The following SLC4A10 variants were observed in gnomAD, a reference collection of about 807,000 sequenced individuals.
The protein encoded by SLC4A10 is solute carrier family 4 member 10, also known as sodium-driven chloride bicarbonate exchanger.
A neutral mutation model predicts 137.7 loss-of-function variants in SLC4A10; 42 were observed. The ratio of observed to expected loss-of-function variants is 0.30; its 90% CI spans 0.24 to 0.39. The LOEUF is 0.39. SLC4A10 is among the 10% of genes least tolerant of loss of function. The pLI is 1.00. For missense variants in SLC4A10, 925 were observed against 1,355.0 expected, an observed-to-expected ratio of 0.68 and a Z score of 4.98; for synonymous variants, 474 against 464.1, an observed-to-expected ratio of 1.02 and a Z score of -0.27.
chr2:161,873,643 T>C (rs1484249041), intron 7 of SLC4A10, among the ~76,000 whole-genome samples: 4 of 150,508 alleles, frequency 2.7e-5, no homozygotes, highest in Non-Finnish European at 5.9e-5. Context: ...GAAATAGAAG[T>C]AACTCAGAGT....
At chr2:161,767,094 CATATATATAT>C (rs770704286) in intron 1 of SLC4A10, among the ~76,000 whole-genome samples, 1,096 of 40,024 alleles carry the variant, frequency 0.027, 13 homozygotes, top group East Asian at 0.052. Context: ...AATTAAGAAG[CATATATATAT>C]ATATATATAT....
chr2:161,975,200 T>A (rs922751718), intron 24 of SLC4A10, among the ~76,000 whole-genome samples: 2 of 152,038 alleles, frequency 1.3e-5, no homozygotes, highest in Admixed American at 6.6e-5. Flanking sequence ...ATGTTTTATC[T>A]TTTTTTTCTT....
intron 3 of SLC4A10, among the ~76,000 whole-genome samples, chr2:161,820,484 A>C (rs2057521366): frequency 6.6e-6 from 1 of 152,152 alleles, no homozygotes; most frequent in Non-Finnish European, 1.5e-5. Context: ...CATCCTCCTC[A>C]AAAGAATCTC....
rs184620483 is a variant in SLC4A10 at position 161,748,656 on chromosome 2, A to T, written c.49-22317A>T. Among the ~76,000 whole-genome samples the T allele has an allele frequency of 2.0e-5, 3 of 152,162 alleles. No individual in the cohort carries two copies. In the East Asian group the frequency reaches 5.8e-4, roughly 29 times the overall value. The stretch of plus-strand genomic sequence containing the variant: ...TTGATACATGTCTGTTTTTGTGCAA[A>T]TACCATATGGTTTTGATTACTGTAG... On this transcript the variant is annotated intron_variant, in intron 1 of 26. Coordinates refer to ENST00000446997, the MANE Select transcript of SLC4A10 (RefSeq NM_001178015.2).
chr2:161,981,099 A>T (rs188978312), intron 26 of SLC4A10, among the ~76,000 whole-genome samples: 1 of 152,368 alleles, frequency 6.6e-6, no homozygotes, highest in East Asian at 1.9e-4. Flanking sequence ...TTGTTTTGTA[A>T]CCAAACAACC....
At chr2:161,824,154 G>T (rs2057852633) in intron 3 of SLC4A10, among the ~76,000 whole-genome samples, 1 of 152,070 alleles carries the variant, frequency 6.6e-6, no homozygotes, top group Non-Finnish European at 1.5e-5. Context: ...GTTCATGAAG[G>T]TGTTAAAGTG....
At chr2:161,952,585 A>T (rs545871983) in intron 19 of SLC4A10, among the ~76,000 whole-genome samples, 1 of 152,304 alleles carries the variant, frequency 6.6e-6, no homozygotes, top group East Asian at 1.9e-4. Flanking sequence ...ACTACTCTGG[A>T]TTTAGTAAAT....
At chr2:161,906,052 C>T (rs963938198) in intron 15 of SLC4A10, among the ~76,000 whole-genome samples, 165 bp downstream of exon 15, 4 of 152,202 alleles carry the variant, frequency 2.6e-5, no homozygotes, top group Admixed American at 6.5e-5. Flanking sequence ...GTTATTTAAT[C>T]GGCCACTCAT....
chr2:161,873,880 G>A, intron 7 of SLC4A10, 36 bp from the exon 8 acceptor site: 1 of 1,570,910 alleles, frequency 6.4e-7, no homozygotes, highest in Non-Finnish European at 8.6e-7. Context: ...GTGGGAGCAT[G>A]GTGTACCAGC....
At chr2:161,682,858 A>G (rs565612351) in intron 1 of SLC4A10, among the ~76,000 whole-genome samples, 3 of 152,242 alleles carry the variant, frequency 2.0e-5, no homozygotes, top group East Asian at 1.9e-4. Flanking sequence ...CCCATAGTAC[A>G]AAAGTCATAG....
At chr2:161,731,526 A>G (rs2046823158) in intron 1 of SLC4A10, among the ~76,000 whole-genome samples, 1 of 152,192 alleles carries the variant, frequency 6.6e-6, no homozygotes, top group African/African-American at 2.4e-5. Flanking sequence ...CTGTGAAACT[A>G]TTTGACTTTT....
At chr2:161,821,057 T>C (rs1424887993) in intron 3 of SLC4A10, among the ~76,000 whole-genome samples, 1 of 152,248 alleles carries the variant, frequency 6.6e-6, no homozygotes, top group Non-Finnish European at 1.5e-5. Context: ...ACTTTGCATA[T>C]GCCTTTGGCC....
chr2:161,683,721 T>C (rs190636495), intron 1 of SLC4A10, among the ~76,000 whole-genome samples: 8 of 152,326 alleles, frequency 5.3e-5, no homozygotes, highest in South Asian at 2.1e-4. Flanking sequence ...ATTTGACTTA[T>C]AAGTTATAAG....
intron 1 of SLC4A10, among the ~76,000 whole-genome samples, chr2:161,767,886 C>T (rs528652289): frequency 6.6e-6 from 1 of 152,034 alleles, no homozygotes; most frequent in East Asian, 1.9e-4. Context: ...TTTGTTTGTT[C>T]AGAACATCTC....
intron 1 of SLC4A10, among the ~76,000 whole-genome samples, chr2:161,693,164 C>G (rs539613789): frequency 1.4e-4 from 21 of 152,092 alleles, no homozygotes; most frequent in African/African-American, 5.1e-4. Context: ...TACAAAACTT[C>G]TTTACGATTT....
At chr2:161,846,327 T>C (rs1043549616) in intron 4 of SLC4A10, among the ~76,000 whole-genome samples, 3 of 152,118 alleles carry the variant, frequency 2.0e-5, no homozygotes, top group Non-Finnish European at 4.4e-5. Flanking sequence ...TAATAACAAA[T>C]GTTGGTGAGG....
chr2:161,974,284 C>A lies in SLC4A10; in HGVS notation c.3195C>A (p.Gly1065=). Residue 1065 remains glycine, a synonymous_variant, in exon 24 of 27, where the codon GGC becomes GGA. Transcript: ENST00000446997. ...GTATGCTAGCTATGGAAGATGAGGG[C>A]ACAGTACAACTCCCATTGGAAGGGC... ...EQSMLAMEDE[G]TVQLPLEGHY... is the part of the protein sequence containing the mutation. 1 of 1,608,460 alleles carries A rather than the reference C, an allele frequency of 6.2e-7. No homozygotes were observed. The highest frequency in any genetic ancestry group is 1.3e-5 in the African/African-American group (1 of 74,938).
intron 15 of SLC4A10, among the ~76,000 whole-genome samples, chr2:161,926,386 GT>G (rs1174458600): frequency 0.31 from 7,060 of 23,016 alleles, 463 homozygotes; most frequent in South Asian, 0.4. Context: ...CCTTTTTTTG[GT>G]TTTTTTTTTT....
At chr2:161,712,157 TA>T (rs1310569498) in intron 1 of SLC4A10, among the ~76,000 whole-genome samples, 1 of 151,894 alleles carries the variant, frequency 6.6e-6, no homozygotes, top group Non-Finnish European at 1.5e-5. Flanking sequence ...GATTCAATTC[TA>T]ACATTTACTG....
Sources: gnomAD v4.1 joint callset for allele counts (sites outside exome capture counted in the v4.1 genomes callset) on GRCh38, gnomAD v4.1.1 for gene constraint, MANE v1.5 for transcripts, NCBI Gene and HGNC (gene_info 2026-07-23, HGNC 2026-07-21) for gene names.